Variants in EXT1 observed in about 807,000 individuals in gnomAD.
EXT1 encodes exostosin glycosyltransferase 1.
Under a neutral mutation model 82.5 loss-of-function variants are expected in EXT1, and 20 were observed. The observed-to-expected ratio is 0.24, with a 90% confidence interval of 0.17 to 0.35. The LOEUF is 0.35. Among genes scored for constraint, EXT1 ranks in the 10% least tolerant of loss-of-function variants. The pLI is 1.00. For missense variants in EXT1, 757 were observed against 936.5 expected, an observed-to-expected ratio of 0.81 and a Z score of 2.50; for synonymous variants, 348 against 350.8, an observed-to-expected ratio of 0.99 and a Z score of 0.09.
At chr8:117,811,560 C>T (rs1388117584) in intron 8 of EXT1, among the ~76,000 whole-genome samples, 7 of 152,020 alleles carry the variant, frequency 4.6e-5, no homozygotes, top group African/African-American at 1.5e-4. Flanking sequence ...ATTTAGGTTG[C>T]CCTTTGACAT....
intron 1 of EXT1, among the ~76,000 whole-genome samples, chr8:117,920,047 T>C (rs1813825387): frequency 6.6e-6 from 1 of 151,838 alleles, no homozygotes; most frequent in South Asian, 2.1e-4. Flanking sequence ...GGAACAGGGG[T>C]TTGAGGTTAA....
At position 117,956,599 on chromosome 8, in the gene EXT1, T is replaced by C. The variant is rs117741622; in HGVS notation, c.963-119398A>G. On this transcript the variant is annotated intron_variant, in intron 1 of 10. Transcript: ENST00000378204. ...CTGGGACTACAGGCACGCATCACCATACCTGGCTAATTTTTTTTTGTATTT... is the reference window on the plus strand; with the variant it reads ...CTGGGACTACAGGCACGCATCACCACACCTGGCTAATTTTTTTTTGTATTT... 5.9e-5 allele frequency among the ~76,000 whole-genome samples: 9 copies of C among 152,186 alleles called. No individual in the cohort carries two copies. In the East Asian group the frequency reaches 1.7e-3, roughly 29 times the overall value.
chr8:117,980,441 T>G (rs149688422), intron 1 of EXT1, among the ~76,000 whole-genome samples: 2 of 152,346 alleles, frequency 1.3e-5, no homozygotes, highest in African/African-American at 4.8e-5. Context: ...AGACCTCCAG[T>G]GATGGGGATC....
chr8:117,952,052 A>G (rs1010959026), intron 1 of EXT1, among the ~76,000 whole-genome samples: 6 of 152,244 alleles, frequency 3.9e-5, no homozygotes, highest in Non-Finnish European at 5.9e-5. Flanking sequence ...CTTATCTAAC[A>G]TAAGAGTAAA....
Position 117,831,465 on chromosome 8 carries a change from G to C in EXT1, c.1165-1116C>G, listed in dbSNP as rs183422441. ...CTACTTGGGTCTGGAGCTCTGAAAT[G>C]TACTTCCTGAGTCTGGTAAGTTTTC... On this transcript the variant is annotated intron_variant, in intron 3 of 10. Coordinates refer to ENST00000378204, the MANE Select transcript of EXT1 (RefSeq NM_000127.3). 2.5e-5 allele frequency: 10 copies of C among 401,166 alleles called. No homozygotes were observed. In the East Asian group the frequency reaches 7.2e-4, roughly 29 times the overall value. 24.9% of individuals were successfully genotyped at this position (401,166 alleles called of 1,614,324 possible). A position where few individuals can be genotyped will look rare whatever the true frequency, so the allele number is the denominator to read the frequency against.
chr8:117,892,837 G>A (rs10110167), intron 1 of EXT1, among the ~76,000 whole-genome samples: 4 of 152,212 alleles, frequency 2.6e-5, no homozygotes, highest in Non-Finnish European at 1.5e-5. Flanking sequence ...CTGTATATGA[G>A]AGAAAGAAAA....
At chr8:117,802,794 T>C (rs188193454) in intron 10 of EXT1, among the ~76,000 whole-genome samples, 127 of 152,346 alleles carry the variant, frequency 8.3e-4, no homozygotes, top group African/African-American at 2.9e-3. Context: ...CTTTCTGTAA[T>C]TAGAAGGAAA....
chr8:117,992,854 A>C (rs1815464141), intron 1 of EXT1, among the ~76,000 whole-genome samples: 1 of 152,222 alleles, frequency 6.6e-6, no homozygotes, highest in Admixed American at 6.5e-5. Flanking sequence ...TCTTCCCGGA[A>C]TTCTTATTCC....
intron 1 of EXT1, among the ~76,000 whole-genome samples, chr8:118,005,198 T>C (rs1815748544): frequency 1.3e-5 from 2 of 152,218 alleles, no homozygotes; most frequent in Non-Finnish European, 2.9e-5. Flanking sequence ...ACATGCTTAA[T>C]GATGCTTCTC....
chr8:117,855,922 G>A (rs557540405), intron 1 of EXT1, among the ~76,000 whole-genome samples: 5 of 152,104 alleles, frequency 3.3e-5, no homozygotes, highest in African/African-American at 7.2e-5. Flanking sequence ...CACCCGCCTC[G>A]GCCTCCCAAA....
intron 1 of EXT1, among the ~76,000 whole-genome samples, chr8:117,974,100 C>G (rs945347064): frequency 1.3e-5 from 2 of 152,100 alleles, no homozygotes; most frequent in Non-Finnish European, 2.9e-5. Context: ...CCAGGTGGGT[C>G]ACAAAACTAT....
At chr8:118,084,115 C>A (rs929065023) in intron 1 of EXT1, among the ~76,000 whole-genome samples, 2 of 152,182 alleles carry the variant, frequency 1.3e-5, no homozygotes, top group African/African-American at 2.4e-5. Context: ...AGGTAATATA[C>A]AAACCACTGA....
chr8:117,846,802 T>C (rs1812369344), intron 1 of EXT1, among the ~76,000 whole-genome samples: 1 of 152,084 alleles, frequency 6.6e-6, no homozygotes. Context: ...GGCAGCGCAG[T>C]GTGTCTGTTC....
At chr8:117,954,589 AACCAG>A (rs1206135942) in intron 1 of EXT1, among the ~76,000 whole-genome samples, 1 of 152,204 alleles carries the variant, frequency 6.6e-6, no homozygotes, top group African/African-American at 2.4e-5. Context: ...CTGAGGTTCA[AACCAG>A]CCTATATTTG....
chr8:118,032,579 C>T (rs1816345211), intron 1 of EXT1, among the ~76,000 whole-genome samples: 2 of 149,230 alleles, frequency 1.3e-5, no homozygotes, highest in Admixed American at 1.3e-4. Context: ...GGCAGGATCT[C>T]GGCTGACTGC....
intron 1 of EXT1, among the ~76,000 whole-genome samples, chr8:117,914,312 A>C (rs1161407530): frequency 1.3e-5 from 2 of 152,220 alleles, no homozygotes; most frequent in African/African-American, 4.8e-5. Context: ...TCGTAAGCTG[A>C]GGATGTACGT....
At chr8:117,857,816 T>C (rs1812592531) in intron 1 of EXT1, among the ~76,000 whole-genome samples, 2 of 152,334 alleles carry the variant, frequency 1.3e-5, no homozygotes, top group African/African-American at 2.4e-5. Context: ...GCAAAGTCAA[T>C]TGAAAATCTT....
intron 1 of EXT1, among the ~76,000 whole-genome samples, chr8:117,976,700 G>A (rs1158363595): frequency 6.6e-6 from 1 of 152,230 alleles, no homozygotes; most frequent in Non-Finnish European, 1.5e-5. Flanking sequence ...GCACATTTAA[G>A]AGTTGGCATT....
intron 1 of EXT1, among the ~76,000 whole-genome samples, chr8:117,955,252 T>C (rs1245444697): frequency 6.6e-6 from 1 of 152,162 alleles, no homozygotes; most frequent in African/African-American, 2.4e-5. Context: ...CCTCATAGTT[T>C]AGAAATTTTG....
Sources: allele counts gnomAD v4.1 joint callset (sites outside exome capture counted in the v4.1 genomes callset), GRCh38; gene constraint gnomAD v4.1.1; transcripts MANE v1.5; gene names NCBI Gene and HGNC (gene_info 2026-07-23, HGNC 2026-07-21).